The following DLGAP2 variants were observed in gnomAD, a reference collection of about 807,000 sequenced individuals.
The protein encoded by DLGAP2 is DLG associated protein 2.
DLGAP2 carries 26 observed loss-of-function variants against 100.3 expected under a neutral mutation model. That is an observed-to-expected ratio of 0.26 (90% CI 0.19 to 0.36). The LOEUF (loss-of-function observed/expected upper bound fraction) is 0.36. Ranked by LOEUF, DLGAP2 falls within the 10% of genes least tolerant of loss-of-function variation. DLGAP2 has a pLI of 1.00. For synonymous variants in DLGAP2, 886 were observed against 630.1 expected (o/e 1.41, Z -6.08); for missense variants, 1,858 against 1,453.2 (o/e 1.28, Z -4.53).
intron 1 of DLGAP2, among the ~76,000 whole-genome samples, chr8:818,090 C>G (rs1249228181): frequency 2.0e-5 from 3 of 152,038 alleles, no homozygotes; most frequent in African/African-American, 7.2e-5. Context: ...GTTTCAGGTA[C>G]CAGGGTGGGT....
intron 1 of DLGAP2, among the ~76,000 whole-genome samples, chr8:824,999 C>G (rs1341659462): frequency 6.6e-6 from 1 of 152,190 alleles, no homozygotes; most frequent in Non-Finnish European, 1.5e-5. Context: ...GCGATGTCTT[C>G]TGGCTGCAGG....
chr8:1,419,411 A>G (rs113680585), intron 3 of DLGAP2, among the ~76,000 whole-genome samples: 1 of 66,874 alleles, frequency 1.5e-5, no homozygotes. Flanking sequence ...AATTGTACAT[A>G]TTTGTGGGAT....
chr8:850,783 T>G (rs1797169953), intron 1 of DLGAP2, among the ~76,000 whole-genome samples: 1 of 150,808 alleles, frequency 6.6e-6, no homozygotes. Context: ...CACAGTGTTG[T>G]AATGCACTGT....
chr8:1,509,202 G>A (rs972497218), intron 4 of DLGAP2, among the ~76,000 whole-genome samples: 1 of 151,928 alleles, frequency 6.6e-6, no homozygotes, highest in Non-Finnish European at 1.5e-5. Context: ...ATGGTGGCGG[G>A]CGCCTGTAAT....
intron 5 of DLGAP2, among the ~76,000 whole-genome samples, chr8:1,563,731 TCTGCC>T (rs1259233494): frequency 6.6e-6 from 1 of 152,074 alleles, no homozygotes; most frequent in Non-Finnish European, 1.5e-5. Flanking sequence ...AGATGTCAGA[TCTGCC>T]GGAGCACTGG....
intron 2 of DLGAP2, among the ~76,000 whole-genome samples, chr8:1,203,004 C>T (rs1254961782): frequency 5.3e-5 from 8 of 152,182 alleles, no homozygotes; most frequent in South Asian, 2.1e-4. Context: ...GAGTTCTCCT[C>T]GCCACCACCC....
intron 6 of DLGAP2, among the ~76,000 whole-genome samples, chr8:1,604,949 T>C (rs1314576649): frequency 2.6e-5 from 4 of 152,212 alleles, no homozygotes; most frequent in Non-Finnish European, 5.9e-5. Flanking sequence ...AAAGGTCTGA[T>C]GTCTTGTGTC....
chr8:1,183,524 T>G (rs575188561), intron 2 of DLGAP2, among the ~76,000 whole-genome samples: 2 of 152,294 alleles, frequency 1.3e-5, no homozygotes, highest in Admixed American at 1.3e-4. Flanking sequence ...CCTTACTGAT[T>G]TGTTAATCAC....
At chr8:1,645,341 A>G (rs1366451594) in intron 8 of DLGAP2, among the ~76,000 whole-genome samples, 8 of 152,228 alleles carry the variant, frequency 5.3e-5, no homozygotes, top group South Asian at 2.1e-4. Flanking sequence ...TCAACACATT[A>G]TAAAACAGGC....
In DLGAP2 at chr8:1,626,695, G is replaced by A. The variant is rs376444126; in HGVS notation, c.1443-45G>A. 7.1e-6 allele frequency: 11 copies of A among 1,559,600 alleles called. No individual in the cohort carries two copies. In the African/African-American group the frequency reaches 1.4e-4, roughly 19 times the overall value. On this transcript the variant is annotated intron_variant, in intron 6 of 14. Transcript: ENST00000637795. ...TGGTCATTCCCACCTCTGCCCTGCAGCGGGTGCTCACAGAATGCCTTTTCT... is the reference window on the plus strand; with the variant it reads ...TGGTCATTCCCACCTCTGCCCTGCAACGGGTGCTCACAGAATGCCTTTTCT...
chr8:885,428 A>G (rs467232), intron 1 of DLGAP2, among the ~76,000 whole-genome samples: 34 of 151,966 alleles, frequency 2.2e-4, no homozygotes, highest in Non-Finnish European at 4.7e-4. Flanking sequence ...CTCTTTGTCT[A>G]TTGTTGGTAC....
intron 2 of DLGAP2, among the ~76,000 whole-genome samples, chr8:959,294 CA>C (rs923670250): frequency 5.9e-5 from 9 of 152,168 alleles, no homozygotes; most frequent in African/African-American, 1.4e-4. Flanking sequence ...AAGGAGGTCT[CA>C]AGTGCATTTG....
At chr8:1,324,660 T>C (rs1425864821) in intron 3 of DLGAP2, among the ~76,000 whole-genome samples, 1 of 152,232 alleles carries the variant, frequency 6.6e-6, no homozygotes, top group Non-Finnish European at 1.5e-5. Context: ...CTGGAATTGA[T>C]TCCTGTGTCC....
At position 1,549,438 on chromosome 8, in the gene DLGAP2, G is replaced by A; in HGVS notation, c.985G>A (p.Asp329Asn). 3 of 1,613,442 alleles carry A rather than the reference G, an allele frequency of 1.9e-6. No individual in the cohort carries two copies. Among genetic ancestry groups the A allele is most frequent in the Non-Finnish European group, 2.5e-6 (3 of 1,179,772 alleles). The change falls in exon 5 of 15, where the codon GAC (aspartate) becomes AAC (asparagine). Residue 329 changes from aspartate to asparagine, a missense_variant. Physicochemically the swap from Asp to Asn is conservative, Grantham distance 23. Coordinates refer to ENST00000637795, the MANE Select transcript of DLGAP2 (RefSeq NM_001346810.2). ...GGGCCCCGTGGCCCACTGCTACCCC[G>A]ACGCGCTGCAGAGCCCCTTCGGGGA... ...HLGPVAHCYP[D>N]ALQSPFGDLS...
intron 1 of DLGAP2, among the ~76,000 whole-genome samples, chr8:790,753 T>C (rs1822002784): frequency 6.6e-6 from 1 of 152,156 alleles, no homozygotes; most frequent in Non-Finnish European, 1.5e-5. Flanking sequence ...TTTTTTTGTG[T>C]GTGTGTTTTT....
chr8:906,336 T>A (rs959674424), intron 1 of DLGAP2, among the ~76,000 whole-genome samples: 2 of 152,182 alleles, frequency 1.3e-5, no homozygotes. Flanking sequence ...GATCTCCACG[T>A]GGGGTGTGGA....
chr8:943,937 G>C (rs979463331), intron 2 of DLGAP2, among the ~76,000 whole-genome samples: 1 of 152,246 alleles, frequency 6.6e-6, no homozygotes, highest in African/African-American at 2.4e-5. Flanking sequence ...ATTTGAATCT[G>C]TCAGTGTTGA....
chr8:806,943 C>T (rs943940652), intron 1 of DLGAP2, among the ~76,000 whole-genome samples: 2 of 152,172 alleles, frequency 1.3e-5, no homozygotes, highest in Non-Finnish European at 2.9e-5. Flanking sequence ...TGGCTGGGGT[C>T]GTGGACAGTG....
At chr8:1,633,886 A>G (rs953669155) in intron 8 of DLGAP2, among the ~76,000 whole-genome samples, 15 of 152,254 alleles carry the variant, frequency 9.9e-5, no homozygotes, top group African/African-American at 2.9e-4. Flanking sequence ...GATGAATAGC[A>G]TTAGGAACAG....
Sources: gnomAD v4.1 joint callset for allele counts (sites outside exome capture counted in the v4.1 genomes callset) on GRCh38, gnomAD v4.1.1 for gene constraint, MANE v1.5 for transcripts, NCBI Gene and HGNC (gene_info 2026-07-23, HGNC 2026-07-21) for gene names.